The following PTPN1 variants were observed in gnomAD, a reference collection of about 807,000 sequenced individuals.
The protein encoded by PTPN1 is protein tyrosine phosphatase non-receptor type 1.
In PTPN1, 12 loss-of-function variants were observed where a neutral mutation model predicts 59.9. The observed-to-expected ratio is 0.20, with a 90% CI of 0.13 to 0.32. PTPN1 has a LOEUF of 0.32. Ranked by LOEUF, PTPN1 falls within the 10% of genes least tolerant of loss-of-function variation. The pLI is 1.00. For synonymous variants in PTPN1, 178 were observed against 203.6 expected (o/e 0.87, Z 1.07); for missense variants, 356 against 549.2 (o/e 0.65, Z 3.52).
At position 50,549,332 on chromosome 20, in the gene PTPN1, A is replaced by T. The variant is rs546636465; in HGVS notation, c.64-12031A>T. Among the ~76,000 whole-genome samples, 826 of 152,316 alleles carry T rather than the reference A, an allele frequency of 5.4e-3. 4 individuals carry two copies. The highest frequency in any genetic ancestry group is 8.4e-3 in the Non-Finnish European group (571 of 68,014). On this transcript the variant is annotated intron_variant, in intron 1 of 9. Transcript: ENST00000371621. ...CTCTCCACCAGAAGGTCTCCATGCC[A>T]GTTTCACGAAGCATTTTTCATGCCC...
At chr20:50,565,511 A>G (rs1485467593) in intron 3 of PTPN1, among the ~76,000 whole-genome samples, 1 of 152,260 alleles carries the variant, frequency 6.6e-6, no homozygotes, top group Admixed American at 6.5e-5. Flanking sequence ...TTCTTTGGCC[A>G]GAAGAAAGGC....
chr20:50,544,720 C>T (rs1039043886), intron 1 of PTPN1, among the ~76,000 whole-genome samples: 17 of 152,270 alleles, frequency 1.1e-4, no homozygotes, highest in Admixed American at 5.2e-4. Context: ...CATTGCCGTA[C>T]CTGAGAAGCA....
chr20:50,548,881 C>T (rs144638141), intron 1 of PTPN1, among the ~76,000 whole-genome samples: 281 of 152,162 alleles, frequency 1.8e-3, no homozygotes, highest in African/African-American at 6.4e-3. Flanking sequence ...CCACACCTAG[C>T]TAATTTTTGT....
chr20:50,528,346 T>C (rs1037980578), intron 1 of PTPN1, among the ~76,000 whole-genome samples: 1 of 152,156 alleles, frequency 6.6e-6, no homozygotes, highest in Non-Finnish European at 1.5e-5. Context: ...TATCAAGTCT[T>C]ATAAAGGGCG....
At chr20:50,521,293 T>C (rs961919969) in intron 1 of PTPN1, among the ~76,000 whole-genome samples, 1 of 152,268 alleles carries the variant, frequency 6.6e-6, no homozygotes, top group Non-Finnish European at 1.5e-5. Flanking sequence ...GTCTGCTGCA[T>C]GTTCTACCCT....
chr20:50,555,579 C>T (rs978337021), intron 1 of PTPN1, among the ~76,000 whole-genome samples: 5 of 152,158 alleles, frequency 3.3e-5, no homozygotes, highest in Non-Finnish European at 7.4e-5. Context: ...AAAATGTATT[C>T]AAGTACATAC....
intron 1 of PTPN1, among the ~76,000 whole-genome samples, chr20:50,541,487 CT>C (rs2082652119): frequency 6.6e-6 from 1 of 152,158 alleles, no homozygotes; most frequent in Non-Finnish European, 1.5e-5. Context: ...GTCATCTCTT[CT>C]GGGAAGCCTC....
chr20:50,520,832 G>A (rs1448430804), intron 1 of PTPN1, among the ~76,000 whole-genome samples: 1 of 152,198 alleles, frequency 6.6e-6, no homozygotes, highest in South Asian at 2.1e-4. Flanking sequence ...TTTGACTGTT[G>A]TGGGATTTTG....
chr20:50,512,639 C>T (rs901207405), intron 1 of PTPN1, among the ~76,000 whole-genome samples: 1 of 152,196 alleles, frequency 6.6e-6, no homozygotes, highest in Admixed American at 6.5e-5. Context: ...TCAGGGCCAG[C>T]TTTTCTCACC....
chr20:50,522,809 A>C (rs1318623550), intron 1 of PTPN1, among the ~76,000 whole-genome samples: 10 of 152,156 alleles, frequency 6.6e-5, no homozygotes. Context: ...GCTGGGGTGC[A>C]ATGGCACGAT....
intron 3 of PTPN1, among the ~76,000 whole-genome samples, 159 bp downstream of exon 3, chr20:50,565,228 TCA>T (rs1453041142): frequency 2.0e-5 from 3 of 152,170 alleles, no homozygotes; most frequent in Non-Finnish European, 4.4e-5. Context: ...CTTCAAAGGT[TCA>T]GTTTGGTTAT....
intron 3 of PTPN1, among the ~76,000 whole-genome samples, chr20:50,565,599 TC>T (rs2082775088): frequency 6.6e-6 from 1 of 152,206 alleles, no homozygotes; most frequent in Non-Finnish European, 1.5e-5. Context: ...GGAAACAAAA[TC>T]CTGAAAGTGG....
intron 1 of PTPN1, among the ~76,000 whole-genome samples, chr20:50,530,877 T>C (rs2082598124): frequency 6.6e-6 from 1 of 152,040 alleles, no homozygotes; most frequent in Admixed American, 6.5e-5. Context: ...TTTTATTTTT[T>C]ATTTTTTGTA....
chr20:50,531,430 G>A (rs1381592054), intron 1 of PTPN1, among the ~76,000 whole-genome samples: 1 of 152,156 alleles, frequency 6.6e-6, no homozygotes, highest in Non-Finnish European at 1.5e-5. Flanking sequence ...AGGCTGGAGT[G>A]CAGTGGCACA....
chr20:50,518,354 CAA>C (rs985668571), intron 1 of PTPN1, among the ~76,000 whole-genome samples: 1 of 152,218 alleles, frequency 6.6e-6, no homozygotes, highest in African/African-American at 2.4e-5. Context: ...TAACTTCACT[CAA>C]GAGAACAAAT....
chr20:50,578,379 A>T (rs373418481), intron 5 of PTPN1, 41 bp from the exon 6 acceptor site: 1 of 1,525,744 alleles, frequency 6.6e-7, no homozygotes, highest in Non-Finnish European at 9.1e-7. Context: ...TTCTGTACAG[A>T]TGATTCTTTT....
intron 1 of PTPN1, among the ~76,000 whole-genome samples, chr20:50,516,060 A>G (rs1426879322): frequency 6.6e-6 from 1 of 152,168 alleles, no homozygotes; most frequent in African/African-American, 2.4e-5. Context: ...TGGAGGTAAT[A>G]TGTTTGTCTC....
intron 1 of PTPN1, among the ~76,000 whole-genome samples, chr20:50,539,685 C>T (rs1413363430): frequency 7.6e-6 from 1 of 131,736 alleles, no homozygotes; most frequent in Non-Finnish European, 1.6e-5. Context: ...GACAGGATCT[C>T]ACCCTGTTGC....
At chr20:50,563,531 A>G (rs915343885) in intron 2 of PTPN1, among the ~76,000 whole-genome samples, 1 of 152,204 alleles carries the variant, frequency 6.6e-6, no homozygotes, top group African/African-American at 2.4e-5. Context: ...ACCATTATGT[A>G]ATTTTTGAGG....
Sources: gnomAD v4.1 joint callset for allele counts (sites outside exome capture counted in the v4.1 genomes callset) on GRCh38, gnomAD v4.1.1 for gene constraint, MANE v1.5 for transcripts, NCBI Gene and HGNC (gene_info 2026-07-23, HGNC 2026-07-21) for gene names.